SLC2A13: variants seen among roughly 807,000 people sequenced by gnomAD.
SLC2A13 encodes proton myo-inositol cotransporter.
A neutral mutation model predicts 64.4 loss-of-function variants in SLC2A13; 32 were observed. The ratio of observed to expected loss-of-function variants is 0.50; its 90% CI spans 0.37 to 0.67. SLC2A13 has a LOEUF of 0.67. Among genes scored for constraint, SLC2A13 ranks in the 30% least tolerant of loss-of-function variants. The pLI, the probability that SLC2A13 is intolerant of heterozygous loss-of-function variation, is 0.00. For synonymous variants in SLC2A13, 338 were observed against 327.1 expected, an observed-to-expected ratio of 1.03 and a Z score of -0.36; for missense variants, 743 against 829.2, an observed-to-expected ratio of 0.90 and a Z score of 1.28.
intron 3 of SLC2A13, among the ~76,000 whole-genome samples, chr12:39,954,033 A>G (rs1340881504): frequency 1.3e-5 from 2 of 152,214 alleles, no homozygotes; most frequent in Non-Finnish European, 2.9e-5. Flanking sequence ...TCCAGCTAAG[A>G]CAGAATAATG....
At chr12:40,046,701 G>T (rs11564197) in intron 2 of SLC2A13, among the ~76,000 whole-genome samples, 1 of 151,094 alleles carries the variant, frequency 6.6e-6, no homozygotes, top group African/African-American at 2.4e-5. Context: ...CACAACAACC[G>T]TTTTTAAAAA....
intron 3 of SLC2A13, among the ~76,000 whole-genome samples, chr12:39,974,355 G>T (rs1366016392): frequency 6.6e-6 from 1 of 152,146 alleles, no homozygotes; most frequent in East Asian, 1.9e-4. Flanking sequence ...CACAGAGAGG[G>T]TTGGGGCCAT....
chr12:39,769,888 TG>T (rs1940499738), intron 7 of SLC2A13, among the ~76,000 whole-genome samples: 1 of 152,102 alleles, frequency 6.6e-6, no homozygotes, highest in Admixed American at 6.6e-5. Context: ...CTAACTTTTA[TG>T]TGGTCTTTTT....
intron 4 of SLC2A13, among the ~76,000 whole-genome samples, chr12:39,902,657 GCTAA>G (rs923003201): frequency 7.8e-4 from 119 of 152,088 alleles, no homozygotes; most frequent in African/African-American, 2.8e-3. Flanking sequence ...AGTGGTAAAG[GCTAA>G]CTTTTTCTTT....
At chr12:39,837,562 A>C (rs1173745702) in intron 6 of SLC2A13, among the ~76,000 whole-genome samples, 1 of 144,954 alleles carries the variant, frequency 6.9e-6, no homozygotes, top group African/African-American at 2.6e-5. Flanking sequence ...CAACCTACAA[A>C]ATGGGAGAAA....
At chr12:39,975,123 C>A (rs780007942) in intron 3 of SLC2A13, among the ~76,000 whole-genome samples, 5 of 152,150 alleles carry the variant, frequency 3.3e-5, no homozygotes, top group Non-Finnish European at 7.4e-5. Flanking sequence ...ATGCTTTTAA[C>A]AAATACCTTC....
intron 7 of SLC2A13, among the ~76,000 whole-genome samples, chr12:39,771,000 C>G (rs1426794795): frequency 6.6e-6 from 1 of 152,108 alleles, no homozygotes; most frequent in Non-Finnish European, 1.5e-5. Flanking sequence ...GTACCTACCT[C>G]AAAAGGCTAT....
intron 4 of SLC2A13, among the ~76,000 whole-genome samples, chr12:39,932,816 T>C (rs902003726): frequency 6.6e-6 from 1 of 150,440 alleles, no homozygotes; most frequent in Non-Finnish European, 1.5e-5. Flanking sequence ...TCTGGAGATT[T>C]TGAGAAACAT....
intron 1 of SLC2A13, among the ~76,000 whole-genome samples, chr12:40,074,535 C>T (rs901411529): frequency 6.6e-6 from 1 of 152,100 alleles, no homozygotes. Flanking sequence ...TTAGAATTAT[C>T]ATCTCTCTGC....
At chr12:39,822,395 A>G (rs1942547687) in intron 7 of SLC2A13, among the ~76,000 whole-genome samples, 1 of 152,330 alleles carries the variant, frequency 6.6e-6, no homozygotes, top group African/African-American at 2.4e-5. Context: ...AAATGTATCT[A>G]TAAAAAACAA....
chr12:39,758,460 T>C lies in SLC2A13; in HGVS notation c.*1566A>G, dbSNP rs1940028578. 1 of 151,918 alleles carries C rather than the reference T, an allele frequency of 6.6e-6. No individual in the cohort carries two copies. The allele number at this position is 151,918 out of a possible 1,614,324, so 9.4% of individuals were successfully genotyped here. A position where few individuals can be genotyped will look rare whatever the true frequency, so the allele number is the denominator to read the frequency against. On this transcript the variant is annotated 3_prime_UTR_variant, in exon 10 of 10. Transcript: ENST00000280871. The stretch of plus-strand genomic sequence containing the variant: ...TACCTTATTAGATGTTTAGAGCCAT[T>C]TAAAAATGCATCAAACTGATGTATT...
intron 3 of SLC2A13, among the ~76,000 whole-genome samples, chr12:39,997,178 A>G (rs1166726205): frequency 2.6e-5 from 4 of 152,228 alleles, no homozygotes; most frequent in African/African-American, 9.6e-5. Context: ...ATACCAGTAT[A>G]AAAATAAGCA....
Position 40,080,507 on chromosome 12 carries a change from T to C in SLC2A13, c.556+24746A>G, listed in dbSNP as rs529090854. ...CCAGGTTCAAGCAATTCTCCTGCCT[T>C]AGCCTCCTGAGTAGCTGGGATTACA... On this transcript the variant is annotated intron_variant, in intron 1 of 9. Transcript: ENST00000280871. 7.2e-5 allele frequency among the ~76,000 whole-genome samples: 11 copies of C among 152,206 alleles called. No homozygotes were observed. The South Asian group carries it at 2.1e-3, about 29-fold the overall frequency.
At chr12:39,848,752 C>G (rs1487120664) in intron 6 of SLC2A13, among the ~76,000 whole-genome samples, 1 of 152,146 alleles carries the variant, frequency 6.6e-6, no homozygotes, top group African/African-American at 2.4e-5. Flanking sequence ...TCCACAATAG[C>G]AAAGACATGG....
At chr12:39,852,809 C>T (rs2135898550) in intron 6 of SLC2A13, among the ~76,000 whole-genome samples, 1 of 152,312 alleles carries the variant, frequency 6.6e-6, no homozygotes, top group Admixed American at 6.5e-5. Flanking sequence ...ACCTCGTCTT[C>T]ATTTGCATAG....
At chr12:39,762,613 TAAA>T (rs1222364263) in intron 9 of SLC2A13, among the ~76,000 whole-genome samples, 1 of 151,844 alleles carries the variant, frequency 6.6e-6, no homozygotes, top group Non-Finnish European at 1.5e-5. Context: ...TATGAAACAA[TAAA>T]AAAGGAGGCA....
At chr12:39,797,344 A>T (rs1222608041) in intron 7 of SLC2A13, among the ~76,000 whole-genome samples, 4 of 152,198 alleles carry the variant, frequency 2.6e-5, no homozygotes, top group East Asian at 3.8e-4. Context: ...TGGATTTCTG[A>T]CTTGCATTTC....
intron 1 of SLC2A13, among the ~76,000 whole-genome samples, chr12:40,078,272 T>C (rs1164164473): frequency 6.6e-6 from 1 of 152,184 alleles, no homozygotes; most frequent in East Asian, 1.9e-4. Flanking sequence ...TTCGTTATAA[T>C]GTTGGCTGTG....
chr12:40,041,682 C>G (rs370885061), intron 2 of SLC2A13, among the ~76,000 whole-genome samples: 1 of 152,212 alleles, frequency 6.6e-6, no homozygotes, highest in Non-Finnish European at 1.5e-5. Flanking sequence ...ATTATTTCCA[C>G]ACCAACTGAT....
Sources: gnomAD v4.1 joint callset for allele counts (sites outside exome capture counted in the v4.1 genomes callset) on GRCh38, gnomAD v4.1.1 for gene constraint, MANE v1.5 for transcripts, NCBI Gene and HGNC (gene_info 2026-07-23, HGNC 2026-07-21) for gene names.